Variants in PTPRK observed in about 807,000 individuals in gnomAD.
PTPRK encodes receptor-type tyrosine-protein phosphatase kappa.
PTPRK carries 75 observed loss-of-function variants against 178.0 expected under a neutral mutation model. That is an observed-to-expected ratio of 0.42 (90% CI 0.35 to 0.51). The LOEUF is 0.51. Among genes scored for constraint, PTPRK ranks in the 20% least tolerant of loss-of-function variants. PTPRK has a pLI of 0.02. For missense variants in PTPRK, 1,441 were observed against 1,797.8 expected (o/e 0.80, Z 3.59); for synonymous variants, 637 against 620.6 (o/e 1.03, Z -0.39).
intron 1 of PTPRK, among the ~76,000 whole-genome samples, chr6:128,444,847 C>T (rs1846731129): frequency 6.6e-6 from 1 of 152,060 alleles, no homozygotes; most frequent in Admixed American, 6.6e-5. Flanking sequence ...TTTCACACAC[C>T]ATTTATATGA....
chr6:128,124,258 G>T lies in PTPRK; in HGVS notation c.1163-34266C>A, dbSNP rs188874171. ...AGGGTTTCGCCATGTTGACCAGGCTGGTCTCAAACACCTGATCTACCTCAG... is the reference window on the plus strand; with the variant it reads ...AGGGTTTCGCCATGTTGACCAGGCTTGTCTCAAACACCTGATCTACCTCAG... On this transcript the variant is annotated intron_variant, in intron 7 of 29. Coordinates refer to ENST00000368226, the MANE Select transcript of PTPRK (RefSeq NM_002844.4). Among the ~76,000 whole-genome samples, 865 of 152,004 alleles carry T rather than the reference G, an allele frequency of 5.7e-3. 7 individuals carry two copies. The highest frequency in any genetic ancestry group is 0.02 in the African/African-American group (813 of 41,452).
At chr6:128,053,158 AC>A (rs1779320264) in intron 13 of PTPRK, among the ~76,000 whole-genome samples, 1 of 126,114 alleles carries the variant, frequency 7.9e-6, no homozygotes. Context: ...GAACACACAC[AC>A]ACACACACAC....
intron 7 of PTPRK, among the ~76,000 whole-genome samples, chr6:128,173,287 T>C (rs1371579724): frequency 6.6e-6 from 1 of 152,044 alleles, no homozygotes; most frequent in African/African-American, 2.4e-5. Flanking sequence ...GTTATCTCTA[T>C]GTAAAATAAT....
intron 12 of PTPRK, among the ~76,000 whole-genome samples, chr6:128,066,248 G>C (rs527981194): frequency 6.6e-6 from 1 of 152,246 alleles, no homozygotes; most frequent in East Asian, 1.9e-4. Context: ...TGATATGTAG[G>C]CAGAAAGTGG....
At chr6:128,219,897 A>G (rs1010653047) in intron 5 of PTPRK, among the ~76,000 whole-genome samples, 1 of 152,234 alleles carries the variant, frequency 6.6e-6, no homozygotes, top group Non-Finnish European at 1.5e-5. Flanking sequence ...TGAATAATTT[A>G]GAGTCAAACC....
rs78534406 is a variant in PTPRK, at chr6:128,032,774, G to C, written c.2195-23506C>G. On this transcript the variant is annotated intron_variant, in intron 13 of 29. Transcript: ENST00000368226. ...ATGAAGAAAGGAGTCAGTAGCACCT[G>C]TCACAGACACAGACATGGTTACTGA... 6.5e-4 allele frequency among the ~76,000 whole-genome samples: 99 copies of C among 152,214 alleles called. 3 individuals are homozygous for C. The East Asian group carries it at 0.017, about 26-fold the overall frequency.
chr6:128,004,997 C>G (rs1250466319), intron 15 of PTPRK, 87 bp downstream of exon 15: 3 of 1,163,868 alleles, frequency 2.6e-6, no homozygotes, highest in Non-Finnish European at 3.6e-6. Context: ...CTTTCCTACT[C>G]TCTCTCATTA....
rs1793536480 is a variant in PTPRK, at chr6:128,127,275, G to C, written c.1163-37283C>G. Among the ~76,000 whole-genome samples, 4 of 152,084 alleles carry C rather than the reference G, an allele frequency of 2.6e-5. No homozygotes were observed. The South Asian group carries it at 8.3e-4, about 32-fold the overall frequency. ...AGTACGACTATGTTTGCTATTATAGGTCTTTTGCCTTTCTACATAAACTTT... is the reference window on the plus strand; with the variant it reads ...AGTACGACTATGTTTGCTATTATAGCTCTTTTGCCTTTCTACATAAACTTT... On this transcript the variant is annotated intron_variant, in intron 7 of 29. Transcript: ENST00000368226.
chr6:128,362,677 A>G (rs1384949502), intron 2 of PTPRK, among the ~76,000 whole-genome samples: 8 of 152,128 alleles, frequency 5.3e-5, no homozygotes, highest in African/African-American at 1.7e-4. Context: ...ACAGATGGGG[A>G]CCCCTGAATT....
chr6:128,445,267 G>GTATAAATACTATATATAATAGTATATTA (rs1325513290), intron 1 of PTPRK, among the ~76,000 whole-genome samples: 9 of 133,254 alleles, frequency 6.8e-5, no homozygotes, highest in Admixed American at 1.4e-4. Context: ...ATATATAATA[G>GTATAAATACTATATATAATAGTATATTA]TATAAATACT....
intron 7 of PTPRK, among the ~76,000 whole-genome samples, chr6:128,103,106 A>G (rs751509382): frequency 8.3e-4 from 127 of 152,230 alleles, no homozygotes; most frequent in Non-Finnish European, 1.1e-3. Flanking sequence ...AGAACAGAGG[A>G]ACAGAAGAGT....
intron 13 of PTPRK, among the ~76,000 whole-genome samples, chr6:128,054,620 G>T (rs1443250061): frequency 7.2e-5 from 11 of 152,134 alleles, no homozygotes; most frequent in African/African-American, 2.7e-4. Context: ...GCTATTTGCA[G>T]TGGGACACAA....
intron 3 of PTPRK, among the ~76,000 whole-genome samples, chr6:128,287,974 C>A: frequency 6.6e-6 from 1 of 152,078 alleles, no homozygotes; most frequent in East Asian, 1.9e-4. Flanking sequence ...TACTCCCTAC[C>A]TACTTTCTAT....
chr6:128,181,386 T>C lies in PTPRK; in HGVS notation c.1162+3046A>G, dbSNP rs117532046. 3.5e-3 allele frequency among the ~76,000 whole-genome samples: 532 copies of C among 152,192 alleles called. 5 individuals carry two copies. The highest frequency in any genetic ancestry group is 5.6e-3 in the Non-Finnish European group (378 of 67,980). ...GTCTAACATGCAGGGACTATTAAAA[T>C]AGCTACTTTAAAATTATCAACATTT... On this transcript the variant is annotated intron_variant, in intron 7 of 29. Coordinates refer to ENST00000368226, the MANE Select transcript of PTPRK (RefSeq NM_002844.4).
At chr6:128,423,353 G>C (rs1321063366) in intron 1 of PTPRK, among the ~76,000 whole-genome samples, 1 of 151,992 alleles carries the variant, frequency 6.6e-6, no homozygotes, top group African/African-American at 2.4e-5. Context: ...ATGCTTTATG[G>C]CTTTTTATAG....
intron 7 of PTPRK, among the ~76,000 whole-genome samples, chr6:128,111,206 A>T (rs1274477070): frequency 1.3e-5 from 2 of 152,192 alleles, no homozygotes; most frequent in African/African-American, 4.8e-5. Context: ...ATTTATCATT[A>T]TATCCTAAGT....
At chr6:128,428,971 G>T (rs760090428) in intron 1 of PTPRK, among the ~76,000 whole-genome samples, 3 of 152,170 alleles carry the variant, frequency 2.0e-5, no homozygotes, top group African/African-American at 7.2e-5. Flanking sequence ...AAGCTAGGTT[G>T]TAATTTTCAT....
chr6:128,137,061 T>C (rs1481132595), intron 7 of PTPRK, among the ~76,000 whole-genome samples: 1 of 152,212 alleles, frequency 6.6e-6, no homozygotes, highest in African/African-American at 2.4e-5. Flanking sequence ...GTTCCACTTG[T>C]GAGAGCTATA....
At chr6:128,033,723 T>C (rs1284487914) in intron 13 of PTPRK, among the ~76,000 whole-genome samples, 1 of 151,934 alleles carries the variant, frequency 6.6e-6, no homozygotes, top group Non-Finnish European at 1.5e-5. Context: ...AATAAAATTG[T>C]TTAATTAGCT....
Sources: allele counts gnomAD v4.1 joint callset (sites outside exome capture counted in the v4.1 genomes callset), GRCh38; gene constraint gnomAD v4.1.1; transcripts MANE v1.5; gene names NCBI Gene and HGNC (gene_info 2026-07-23, HGNC 2026-07-21).